Variants in PDE2A observed in about 807,000 individuals in gnomAD.
PDE2A encodes the protein cGMP-dependent 3',5'-cyclic phosphodiesterase.
A neutral mutation model predicts 133.6 loss-of-function variants in PDE2A; 53 were observed. The ratio of observed to expected loss-of-function variants is 0.40; its 90% confidence interval spans 0.32 to 0.50. The LOEUF is 0.50. Among genes scored for constraint, PDE2A ranks in the 20% least tolerant of loss-of-function variants. PDE2A has a pLI of 0.73. For synonymous variants in PDE2A, 491 were observed against 490.2 expected (o/e 1.00, Z -0.02); for missense variants, 796 against 1,232.4 (o/e 0.65, Z 5.30).
chr11:72,596,843 T>G (rs534661863), intron 5 of PDE2A, among the ~76,000 whole-genome samples, 195 bp from the exon 6 acceptor site: 57 of 152,120 alleles, frequency 3.7e-4, no homozygotes, highest in South Asian at 8.3e-4. Context: ...CAACAGCCTC[T>G]GCATGGAAGG....
chr11:72,644,905 C>T (rs535942694), intron 1 of PDE2A, among the ~76,000 whole-genome samples: 6 of 152,256 alleles, frequency 3.9e-5, no homozygotes, highest in South Asian at 4.1e-4. Context: ...TACAGGCATG[C>T]ACCACCATGC....
At chr11:72,579,789 C>T (rs1197759821) in intron 25 of PDE2A, 181 bp from the exon 26 acceptor site, 1 of 594,578 alleles carries the variant, frequency 1.7e-6, no homozygotes, top group East Asian at 2.8e-5. Context: ...CTGTGTGACC[C>T]AGGGTGAGTC....
intron 5 of PDE2A, 39 bp from the exon 6 acceptor site, chr11:72,596,687 G>A (rs377349962): frequency 4.4e-6 from 6 of 1,359,242 alleles, no homozygotes; most frequent in Non-Finnish European, 1.9e-6. Context: ...CTGCAGGGCT[G>A]GCGAGGCTCA....
intron 1 of PDE2A, among the ~76,000 whole-genome samples, chr11:72,659,088 CG>C (rs1247125135): frequency 6.6e-6 from 1 of 151,870 alleles, no homozygotes; most frequent in Non-Finnish European, 1.5e-5. Context: ...GTGGAGGAGA[CG>C]GCAAAGCTTC....
intron 2 of PDE2A, among the ~76,000 whole-genome samples, chr11:72,626,931 C>G (rs1858107368): frequency 2.0e-5 from 3 of 152,296 alleles, no homozygotes; most frequent in East Asian, 3.9e-4. Context: ...CTGCTTTTTC[C>G]CAGTCCTGTT....
chr11:72,601,502 G>A (rs190266879), intron 4 of PDE2A, among the ~76,000 whole-genome samples: 65 of 152,062 alleles, frequency 4.3e-4, no homozygotes, highest in Middle Eastern at 3.4e-3. Flanking sequence ...GGTCAGCTTA[G>A]GGGAAGAAAT....
intron 14 of PDE2A, 145 bp downstream of exon 14, chr11:72,585,925 G>A: frequency 3.1e-6 from 2 of 654,410 alleles, no homozygotes; most frequent in Admixed American, 4.8e-5. Context: ...ACAACTGCAA[G>A]CCTTCAAGTT....
In PDE2A at chr11:72,623,109, AG is replaced by A. The variant is rs1159743173; in HGVS notation, c.145-14359del. Among the ~76,000 whole-genome samples the A allele has an allele frequency of 3.9e-5, 6 of 152,186 alleles. No individual in the cohort carries two copies. In the East Asian group the frequency reaches 1.2e-3, roughly 29 times the overall value. The stretch of plus-strand genomic sequence containing the variant: ...GCCCAACGTCTCCAAAGGGCTCTCC[AG>A]GCTAACGTCTTCACCTCCCTCACCA... On this transcript the variant is annotated intron_variant, in intron 2 of 30. Coordinates refer to ENST00000334456, the MANE Select transcript of PDE2A (RefSeq NM_002599.5).
intron 2 of PDE2A, among the ~76,000 whole-genome samples, 183 bp from the exon 3 acceptor site, chr11:72,608,934 C>A (rs558111350): frequency 6.6e-6 from 1 of 152,178 alleles, no homozygotes; most frequent in Non-Finnish European, 1.5e-5. Context: ...TGTCCAAGTA[C>A]CCTCATCTTA....
chr11:72,597,913 G>A lies in PDE2A; in HGVS notation c.324-294C>T, dbSNP rs1375176522. 6.6e-6 allele frequency among the ~76,000 whole-genome samples: 1 copy of A among 152,168 alleles called. No individual in the cohort carries two copies. The highest frequency in any genetic ancestry group is 2.4e-5 in the African/African-American group (1 of 41,450). ...GAGAGCAGAGGAAGTGAATGCAGGG[G>A]CTCAAAGCTAGGCTGCCTGCTACAA... On this transcript the variant is annotated intron_variant, in intron 4 of 30. Transcript: ENST00000334456. This position sits in a 1 kb window ranked among gnomAD's most constrained non-coding sequence, Gnocchi z 4.6.
Position 72,588,787 on chromosome 11 carries a change from TCTC to T in PDE2A, c.1064_1066del (p.Gly355del). The T allele has an allele frequency of 1.9e-6, 3 of 1,594,266 alleles. No homozygotes were observed. The highest frequency in any genetic ancestry group is 2.3e-5 in the East Asian group (1 of 44,420). ...GCATCATCCCACAAAGACTCACAAG[TCTC>T]CTTCTAGCTTGTTGAAGGCGCAGGC... On this transcript the variant is annotated inframe_deletion, in exon 13 of 31. Transcript: ENST00000334456.
intron 1 of PDE2A, among the ~76,000 whole-genome samples, chr11:72,660,726 T>C (rs986907716): frequency 6.6e-6 from 1 of 152,096 alleles, no homozygotes; most frequent in African/African-American, 2.4e-5. Flanking sequence ...CCCTTCACGA[T>C]ACTCAGTGGC....
At position 72,588,786 on chromosome 11, in the gene PDE2A, G is replaced by C; in HGVS notation, c.1068C>G (p.Asp356Glu). The change falls in exon 13 of 31, where the codon GAC becomes GAG. Residue 356 changes from aspartate to glutamate, a missense_variant and splice_region_variant. By Grantham distance (45) the Asp-to-Glu change is conservative. This residue lies in a region of PDE2A where 417 missense variants were observed against 475.3 expected (regional missense o/e 0.88). Transcript: ENST00000334456. ...LACAFNKLEG[D>E]LFTDEDEHVI... ...TGCATCATCCCACAAAGACTCACAA[G>C]TCTCCTTCTAGCTTGTTGAAGGCGC... 6.3e-7 allele frequency: 1 copy of C among 1,594,234 alleles called. No individual in the cohort carries two copies. Among genetic ancestry groups the C allele is most frequent in the Non-Finnish European group, 8.6e-7 (1 of 1,166,368 alleles).
rs1443562474 is a variant in PDE2A at position 72,642,460 on chromosome 11, T to G, written c.72-134A>C. ...GACAGCTTCGCCTGGTCCGCCCGAG[T>G]GTCCGCCCCGGCCCCGCCCCGGCCC... On this transcript the variant is annotated intron_variant, in intron 1 of 30. Coordinates refer to ENST00000334456, the MANE Select transcript of PDE2A (RefSeq NM_002599.5). 7 of 995,124 alleles carry G rather than the reference T, an allele frequency of 7.0e-6. No individual in the cohort carries two copies. The East Asian group carries it at 1.7e-4, about 25-fold the overall frequency. 61.6% of individuals were successfully genotyped at this position (995,124 alleles called of 1,614,324 possible). A position where few individuals can be genotyped will look rare whatever the true frequency, so the allele number is the denominator to read the frequency against.
Position 72,580,637 on chromosome 11 carries a change from A to C in PDE2A, c.2134-13T>G. 1 of 1,560,038 alleles carries C rather than the reference A, an allele frequency of 6.4e-7. No homozygotes were observed. The highest frequency in any genetic ancestry group is 8.7e-7 in the Non-Finnish European group (1 of 1,149,648). On this transcript the variant is annotated splice_polypyrimidine_tract_variant and intron_variant, in intron 24 of 30. Transcript: ENST00000334456. The stretch of plus-strand genomic sequence containing the variant: ...CCAGCACAGATTTCTGGAAAAGCCC[A>C]GGAAAACTGTGGTCACTCCTCACAT...
chr11:72,633,295 C>T (rs1030835967), intron 2 of PDE2A, among the ~76,000 whole-genome samples: 13 of 152,186 alleles, frequency 8.5e-5, no homozygotes, highest in African/African-American at 3.1e-4. Context: ...TCCCCATTGT[C>T]CCACGTCCTG....
intron 1 of PDE2A, chr11:72,642,560 C>G (rs1859008084): frequency 4.2e-6 from 1 of 235,822 alleles, no homozygotes; most frequent in East Asian, 1.8e-4. Context: ...CTCGGCCCGT[C>G]GGATCCTCCG....
At chr11:72,596,478 T>TCACACA (rs1219272782) in intron 6 of PDE2A, 115 bp downstream of exon 6, 25 of 235,506 alleles carry the variant, frequency 1.1e-4, no homozygotes, top group South Asian at 7.1e-4. Flanking sequence ...TCTCTCTCTC[T>TCACACA]CTCTCTCACA....
intron 2 of PDE2A, among the ~76,000 whole-genome samples, chr11:72,623,477 C>G (rs955407003): frequency 5.9e-5 from 9 of 152,114 alleles, no homozygotes; most frequent in African/African-American, 2.2e-4. Context: ...TCTCCATTAT[C>G]CCAGCCAGGT....
Sources: allele counts gnomAD v4.1 joint callset (sites outside exome capture counted in the v4.1 genomes callset), GRCh38; gene constraint gnomAD v4.1.1; regional missense constraint gnomAD v4.1.1; non-coding constraint Gnocchi (gnomAD v3.1); transcripts MANE v1.5; gene names NCBI Gene and HGNC (gene_info 2026-07-23, HGNC 2026-07-21).